ZSWIM6: variants seen among roughly 807,000 people sequenced by gnomAD.
ZSWIM6 encodes the protein zinc finger SWIM domain-containing protein 6.
A neutral mutation model predicts 113.2 loss-of-function variants in ZSWIM6; 9 were observed. That is an observed-to-expected ratio of 0.08 (90% CI 0.05 to 0.14). The LOEUF (loss-of-function observed/expected upper bound fraction) is 0.14, where lower values mean the gene tolerates loss of function less well. Among genes scored for constraint, ZSWIM6 ranks in the 10% least tolerant of loss-of-function variants. The pLI is 1.00. For synonymous variants in ZSWIM6, 611 were observed against 606.5 expected, an observed-to-expected ratio of 1.01 and a Z score of -0.11; for missense variants, 1,162 against 1,552.2, an observed-to-expected ratio of 0.75 and a Z score of 4.22.
chr5:61,434,148 A>T (rs1404000282), intron 1 of ZSWIM6, among the ~76,000 whole-genome samples: 2 of 147,034 alleles, frequency 1.4e-5, no homozygotes, highest in Non-Finnish European at 3.0e-5. Context: ...TATATATAAC[A>T]TATATATAAA....
intron 1 of ZSWIM6, among the ~76,000 whole-genome samples, chr5:61,413,365 T>A (rs1308080229): frequency 1.3e-5 from 2 of 152,122 alleles, no homozygotes; most frequent in African/African-American, 4.8e-5. Context: ...TCATTTTTTA[T>A]GGCTGCATAG....
intron 4 of ZSWIM6, among the ~76,000 whole-genome samples, chr5:61,519,679 C>T (rs916546960): frequency 1.3e-5 from 2 of 152,066 alleles, no homozygotes; most frequent in Admixed American, 1.3e-4. Flanking sequence ...ATATCTGTGG[C>T]TTAGATGGGT....
intron 3 of ZSWIM6, among the ~76,000 whole-genome samples, chr5:61,492,907 C>G (rs1482457628): frequency 3.3e-5 from 5 of 152,032 alleles, no homozygotes; most frequent in Non-Finnish European, 5.9e-5. Context: ...GAAAGAAGGA[C>G]CAACCACCCC....
intron 1 of ZSWIM6, among the ~76,000 whole-genome samples, chr5:61,450,371 C>T (rs1388575464): frequency 6.6e-6 from 1 of 152,128 alleles, no homozygotes; most frequent in Non-Finnish European, 1.5e-5. Flanking sequence ...TCAGTCTTTC[C>T]ATTCTGCTGG....
chr5:61,449,739 G>A (rs1747045563), intron 1 of ZSWIM6, among the ~76,000 whole-genome samples: 1 of 152,180 alleles, frequency 6.6e-6, no homozygotes, highest in Non-Finnish European at 1.5e-5. Flanking sequence ...TACAAAGCTT[G>A]ATGGGGCACC....
At chr5:61,538,456 A>C (rs115378995) in intron 10 of ZSWIM6, among the ~76,000 whole-genome samples, 1,647 of 152,276 alleles carry the variant, frequency 0.011, 24 homozygotes, top group African/African-American at 0.037. Flanking sequence ...AGAATTCAAA[A>C]TTTGTAGGTA....
At chr5:61,448,517 A>G (rs1179059613) in intron 1 of ZSWIM6, among the ~76,000 whole-genome samples, 1 of 152,142 alleles carries the variant, frequency 6.6e-6, no homozygotes, top group Non-Finnish European at 1.5e-5. Context: ...TGTTTTGCAA[A>G]CTTAATTTTT....
chr5:61,452,426 C>T (rs1747103014), intron 1 of ZSWIM6, among the ~76,000 whole-genome samples: 1 of 152,016 alleles, frequency 6.6e-6, no homozygotes, highest in Non-Finnish European at 1.5e-5. Context: ...TCCCTAGGGT[C>T]CTCCTGCCCG....
intron 1 of ZSWIM6, among the ~76,000 whole-genome samples, chr5:61,410,309 C>G (rs892326828): frequency 3.1e-5 from 4 of 130,002 alleles, no homozygotes; most frequent in African/African-American, 1.1e-4. Context: ...GATGTATTTC[C>G]TTTTTTTTTT....
intron 1 of ZSWIM6, among the ~76,000 whole-genome samples, chr5:61,413,179 C>G (rs1269649694): frequency 1.7e-5 from 2 of 114,704 alleles, no homozygotes; most frequent in African/African-American, 3.3e-5. Context: ...CCCCTCCCCC[C>G]ACCCCACAAC....
intron 4 of ZSWIM6, among the ~76,000 whole-genome samples, chr5:61,510,489 G>C (rs1580052319): frequency 1.4e-5 from 2 of 147,910 alleles, no homozygotes; most frequent in South Asian, 4.4e-4. Context: ...CATTTACTTT[G>C]TGTGACGAAT....
intron 1 of ZSWIM6, among the ~76,000 whole-genome samples, chr5:61,412,316 A>T (rs900068500): frequency 8.5e-5 from 13 of 152,168 alleles, no homozygotes; most frequent in Non-Finnish European, 1.8e-4. Flanking sequence ...GTTTGCTGGG[A>T]AATGGGGTCG....
At chr5:61,407,853 G>A (rs995178503) in intron 1 of ZSWIM6, among the ~76,000 whole-genome samples, 4 of 152,254 alleles carry the variant, frequency 2.6e-5, no homozygotes, top group Non-Finnish European at 5.9e-5. Flanking sequence ...TGAATTCTGG[G>A]ACAGCCTGAT....
intron 4 of ZSWIM6, among the ~76,000 whole-genome samples, chr5:61,515,072 G>A (rs1748894611): frequency 1.3e-5 from 2 of 152,070 alleles, no homozygotes; most frequent in African/African-American, 2.4e-5. Context: ...ATCCTCTTGA[G>A]TGAGCTCTGG....
intron 1 of ZSWIM6, among the ~76,000 whole-genome samples, chr5:61,466,358 T>C (rs952268661): frequency 7.9e-5 from 12 of 152,298 alleles, no homozygotes; most frequent in African/African-American, 2.9e-4. Flanking sequence ...TAGACTTGCC[T>C]TTAAAAAAAT....
At chr5:61,523,529 A>T (rs936108474) in intron 5 of ZSWIM6, among the ~76,000 whole-genome samples, 5 of 152,204 alleles carry the variant, frequency 3.3e-5, no homozygotes, top group African/African-American at 1.2e-4. Context: ...ATCAGCATGT[A>T]TTACTATTTT....
At chr5:61,339,265 G>A (rs566669387) in intron 1 of ZSWIM6, among the ~76,000 whole-genome samples, 2 of 152,132 alleles carry the variant, frequency 1.3e-5, no homozygotes, top group African/African-American at 4.8e-5. Context: ...AATTAGCCGG[G>A]CGTAGTGGTA....
intron 1 of ZSWIM6, among the ~76,000 whole-genome samples, chr5:61,374,063 C>T (rs906609972): frequency 6.6e-6 from 1 of 152,074 alleles, no homozygotes; most frequent in South Asian, 2.1e-4. Flanking sequence ...ATAAAAGATA[C>T]TATACATGTG....
At chr5:61,466,930 G>A (rs1747449083) in intron 1 of ZSWIM6, among the ~76,000 whole-genome samples, 2 of 152,258 alleles carry the variant, frequency 1.3e-5, no homozygotes, top group Middle Eastern at 3.4e-3. Flanking sequence ...TTGCTTTCTA[G>A]AAACCTTAAT....
Sources: allele counts gnomAD v4.1 joint callset (sites outside exome capture counted in the v4.1 genomes callset), GRCh38; gene constraint gnomAD v4.1.1; transcripts MANE v1.5; gene names NCBI Gene and HGNC (gene_info 2026-07-23, HGNC 2026-07-21).